Variants in MBNL2 observed in about 807,000 individuals in gnomAD.
MBNL2 encodes the protein muscleblind-like protein 2.
A neutral mutation model predicts 41.9 loss-of-function variants in MBNL2; 17 were observed. The ratio of observed to expected loss-of-function variants is 0.41; its 90% CI spans 0.28 to 0.61. MBNL2 has a LOEUF of 0.61. Among genes scored for constraint, MBNL2 ranks in the 20% least tolerant of loss-of-function variants. The pLI, the probability that MBNL2 is intolerant of heterozygous loss-of-function variation, is 0.35. For missense variants in MBNL2, 336 were observed against 505.6 expected (o/e 0.66, Z 3.22); for synonymous variants, 195 against 182.9 (o/e 1.07, Z -0.53).
At position 97,268,479 on chromosome 13, in the gene MBNL2, C is replaced by G. The variant is rs9513222; in HGVS notation, c.-604-7153C>G. Among the ~76,000 whole-genome samples the G allele has an allele frequency of 0.44, 67,296 of 152,034 alleles. 17,799 individuals are homozygous for G. Among genetic ancestry groups the G allele is most frequent in the East Asian group, 0.61 (3,137 of 5,152 alleles). The stretch of plus-strand genomic sequence containing the variant: ...GCACAACACTTTAAAAACCGCTGGA[C>G]TAAAGATCTGGGCATTGAGGCTCAC... On this transcript the variant is annotated intron_variant, in intron 1 of 8. Transcript: ENST00000679496. This position sits in a 1 kb window ranked among gnomAD's most constrained non-coding sequence, Gnocchi z 4.6.
In MBNL2 at chr13:97,292,503, A is replaced by C. The variant is rs142221774; in HGVS notation, c.174+16094A>C. On this transcript the variant is annotated intron_variant, in intron 2 of 8. Coordinates refer to ENST00000679496, the MANE Select transcript of MBNL2 (RefSeq NM_001382683.1). ...CTTGGTTCGTCTTGAGATTGGCTCCAGTCTCCTTAACTTTTTCTTTGCCAT... is the reference window on the plus strand; with the variant it reads ...CTTGGTTCGTCTTGAGATTGGCTCCCGTCTCCTTAACTTTTTCTTTGCCAT... 1.0e-2 allele frequency among the ~76,000 whole-genome samples: 1,520 copies of C among 152,326 alleles called. 24 individuals are homozygous for C. Among genetic ancestry groups the C allele is most frequent in the African/African-American group, 0.035 (1,439 of 41,554 alleles).
chr13:97,252,944 C>T (rs1272736448), intron 1 of MBNL2, among the ~76,000 whole-genome samples: 1 of 152,072 alleles, frequency 6.6e-6, no homozygotes, highest in Non-Finnish European at 1.5e-5. Flanking sequence ...TGAAAATTCT[C>T]AAAAATAAAT....
At chr13:97,238,450 G>A (rs1156655066) in intron 1 of MBNL2, among the ~76,000 whole-genome samples, 4 of 152,278 alleles carry the variant, frequency 2.6e-5, no homozygotes, top group Admixed American at 6.5e-5. Context: ...TGTGACAAAG[G>A]ATCATGCTAT....
the MBNL2 span, among the ~76,000 whole-genome samples, chr13:97,201,897 G>A: frequency 5.9e-5 from 9 of 152,160 alleles, no homozygotes; most frequent in Admixed American, 5.9e-4. Context: ...CCATTTAAGT[G>A]TTAATGCTGG....
At chr13:97,279,700 T>A (rs1210190707) in intron 2 of MBNL2, among the ~76,000 whole-genome samples, 1 of 152,252 alleles carries the variant, frequency 6.6e-6, no homozygotes. Flanking sequence ...GAATCTATGT[T>A]GGCCTATCAG....
chr13:97,244,431 G>A (rs1372917987), intron 1 of MBNL2, among the ~76,000 whole-genome samples: 2 of 152,208 alleles, frequency 1.3e-5, no homozygotes, highest in Admixed American at 6.5e-5. Flanking sequence ...AGGAAAGCCT[G>A]TCATCTGCTA....
the MBNL2 span, among the ~76,000 whole-genome samples, chr13:97,179,013 CA>C: frequency 1.2e-4 from 18 of 152,144 alleles, no homozygotes; most frequent in Admixed American, 9.8e-4. Context: ...GTCTTTGAAC[CA>C]CTTGAATCAC....
In MBNL2 at chr13:97,392,411, T is replaced by TA. The variant is rs1483125637; in HGVS notation, c.*968dup. The stretch of plus-strand genomic sequence containing the variant: ...ACAAAAAGTAGATAGTTTCACTTTT[T>TA]AAAAAATCCATTACTGTTTTGCATT... On this transcript the variant is annotated 3_prime_UTR_variant, in exon 9 of 9. Transcript: ENST00000679496. The TA allele has an allele frequency of 6.6e-6, 1 of 152,594 alleles. No homozygotes were observed. The highest frequency in any genetic ancestry group is 1.5e-5 in the Non-Finnish European group (1 of 68,016). 9.5% of individuals were successfully genotyped at this position (152,594 alleles called of 1,614,324 possible).
chr13:97,357,335 A>G (rs1594260246), intron 6 of MBNL2, 147 bp from the exon 7 acceptor site: 2 of 665,602 alleles, frequency 3.0e-6, no homozygotes, highest in East Asian at 5.3e-5. Flanking sequence ...CTCATTCGAC[A>G]TTGCCGCTGT....
At chr13:97,247,731 T>G (rs2045750167) in intron 1 of MBNL2, among the ~76,000 whole-genome samples, 1 of 152,198 alleles carries the variant, frequency 6.6e-6, no homozygotes, top group Non-Finnish European at 1.5e-5. Flanking sequence ...TTATTCCATA[T>G]TTTAAATCAC....
chr13:97,184,235 T>C, the MBNL2 span, among the ~76,000 whole-genome samples: 1 of 152,230 alleles, frequency 6.6e-6, no homozygotes, highest in Non-Finnish European at 1.5e-5. Flanking sequence ...AATTCTAAAG[T>C]GTGCATGCAA....
At chr13:97,328,226 A>C (rs2153052785) in intron 2 of MBNL2, among the ~76,000 whole-genome samples, 1 of 138,770 alleles carries the variant, frequency 7.2e-6, no homozygotes, top group East Asian at 2.1e-4. Context: ...GTTGCAAGAC[A>C]AAACAGGCTT....
At chr13:97,157,002 G>A in the MBNL2 span, among the ~76,000 whole-genome samples, 119 of 149,794 alleles carry the variant, frequency 7.9e-4, no homozygotes, top group African/African-American at 2.5e-3. Flanking sequence ...CCATTTTCAC[G>A]ATATTGATTC....
intron 1 of MBNL2, among the ~76,000 whole-genome samples, chr13:97,250,510 A>G (rs191225499): frequency 6.8e-6 from 1 of 146,666 alleles, no homozygotes; most frequent in Admixed American, 6.9e-5. Flanking sequence ...GAACTTCATT[A>G]AAAACATAAA....
intron 8 of MBNL2, among the ~76,000 whole-genome samples, chr13:97,376,301 C>T (rs1156495475): frequency 6.6e-6 from 1 of 152,166 alleles, no homozygotes; most frequent in African/African-American, 2.4e-5. Context: ...CTGCCTTTCT[C>T]CTCTCTGTCA....
intron 6 of MBNL2, 128 bp from the exon 7 acceptor site, chr13:97,357,354 A>C (rs1367565178): frequency 1.4e-6 from 1 of 733,568 alleles, no homozygotes; most frequent in Admixed American, 2.3e-5. Context: ...GTTTAAATTA[A>C]GGTGCATGGC....
the MBNL2 span, among the ~76,000 whole-genome samples, chr13:97,171,633 A>C: frequency 2.0e-5 from 3 of 152,198 alleles, no homozygotes; most frequent in Non-Finnish European, 4.4e-5. Context: ...ATTTAGAATT[A>C]TGCCCCTTTT....
intron 1 of MBNL2, among the ~76,000 whole-genome samples, chr13:97,266,763 C>CA (rs1388317101): frequency 3.3e-5 from 5 of 151,994 alleles, no homozygotes; most frequent in African/African-American, 1.2e-4. Context: ...ATAGGAAACT[C>CA]AGAGATTCCG....
intron 1 of MBNL2, among the ~76,000 whole-genome samples, chr13:97,227,293 G>C (rs2041788279): frequency 6.6e-6 from 1 of 152,106 alleles, no homozygotes; most frequent in Non-Finnish European, 1.5e-5. Flanking sequence ...AAGGTTTATG[G>C]GCATTGACTG....
Sources: allele counts gnomAD v4.1 joint callset (sites outside exome capture counted in the v4.1 genomes callset), GRCh38; gene constraint gnomAD v4.1.1; non-coding constraint Gnocchi (gnomAD v3.1); transcripts MANE v1.5; gene names NCBI Gene and HGNC (gene_info 2026-07-23, HGNC 2026-07-21).